Variants in WWOX observed in about 807,000 individuals in gnomAD.
WWOX encodes the protein WW domain containing oxidoreductase, also known as WW domain-containing oxidoreductase.
A neutral mutation model predicts 46.2 loss-of-function variants in WWOX; 69 were observed. The ratio of observed to expected loss-of-function variants is 1.49; its 90% CI spans 1.23 to 1.82. The LOEUF is 1.82. Ranked by LOEUF, WWOX falls within the 40% of genes most tolerant of loss-of-function variation. The probability of loss-of-function intolerance (pLI) is 0.00; values close to 1 mark genes in which losing one functional copy is unlikely to be tolerated. For synonymous variants in WWOX, 359 were observed against 202.6 expected (o/e 1.77, Z -6.56); for missense variants, 919 against 542.6 (o/e 1.69, Z -6.89).
intron 6 of WWOX, among the ~76,000 whole-genome samples, chr16:78,399,904 TA>T (rs2082372388): frequency 6.6e-6 from 1 of 152,190 alleles, no homozygotes; most frequent in African/African-American, 2.4e-5. Context: ...CTTGTCAGCC[TA>T]AAAACTTGAA....
At chr16:79,126,583 C>G (rs983019799) in intron 8 of WWOX, among the ~76,000 whole-genome samples, 4 of 152,070 alleles carry the variant, frequency 2.6e-5, no homozygotes, top group Non-Finnish European at 4.4e-5. Flanking sequence ...TGAGGCCTCC[C>G]CAGTCATGTG....
chr16:78,600,508 A>G (rs761863450), intron 8 of WWOX, among the ~76,000 whole-genome samples: 1 of 152,040 alleles, frequency 6.6e-6, no homozygotes, highest in Non-Finnish European at 1.5e-5. Flanking sequence ...TAAAGCATCC[A>G]TGTTTACAGA....
chr16:79,059,159 A>G (rs749727844), intron 8 of WWOX, among the ~76,000 whole-genome samples: 1 of 152,256 alleles, frequency 6.6e-6, no homozygotes, highest in Non-Finnish European at 1.5e-5. Context: ...TGGGAGAATT[A>G]TGGAACAATA....
chr16:79,211,817 G>GCA lies in WWOX; in HGVS notation c.*29_*30dup. On this transcript the variant is annotated 3_prime_UTR_variant, in exon 9 of 9. Transcript: ENST00000566780. ...GCTAAGTGGAGCTCAGAGCGGATGG[G>GCA]CACACACACCCGCCCTGTGTGTGTC... 2 of 1,613,634 alleles carry GCA rather than the reference G, an allele frequency of 1.2e-6. No homozygotes were observed. Among genetic ancestry groups the GCA allele is most frequent in the Non-Finnish European group, 1.7e-6 (2 of 1,179,932 alleles).
intron 8 of WWOX, among the ~76,000 whole-genome samples, chr16:78,934,922 A>G (rs1479297675): frequency 6.6e-6 from 1 of 152,186 alleles, no homozygotes; most frequent in African/African-American, 2.4e-5. Flanking sequence ...CAACATGGTG[A>G]AACCCCATCT....
At chr16:78,823,148 C>T (rs532980476) in intron 8 of WWOX, among the ~76,000 whole-genome samples, 16 of 152,294 alleles carry the variant, frequency 1.1e-4, no homozygotes, top group East Asian at 3.9e-4. Context: ...ATTAATACTC[C>T]GGCCTTTCAG....
Position 78,735,505 on chromosome 16 carries a change from C to G in WWOX, c.1056+302753C>G, listed in dbSNP as rs371262156. Among the ~76,000 whole-genome samples, 5 of 152,212 alleles carry G rather than the reference C, an allele frequency of 3.3e-5. No homozygotes were observed. The East Asian group carries it at 9.7e-4, about 30-fold the overall frequency. On this transcript the variant is annotated intron_variant, in intron 8 of 8. Transcript: ENST00000566780. ...GTTTTGACGTGCTTGAACTCGAGGA[C>G]TTATGCCGATGTTAACTCTGAGTGT...
chr16:78,847,163 G>A lies in WWOX; in HGVS notation c.1057-364445G>A, dbSNP rs533989599. Among the ~76,000 whole-genome samples, 29 of 152,228 alleles carry A rather than the reference G, an allele frequency of 1.9e-4. 1 individual carries two copies. Among genetic ancestry groups the A allele is most frequent in the South Asian group, 8.3e-4 (4 of 4,826 alleles). ...CTCATTCTCCATGGAGGCTTGGTTC[G>A]TTTTATTATAGAATCATATTTAGAA... On this transcript the variant is annotated intron_variant, in intron 8 of 8. Transcript: ENST00000566780.
intron 5 of WWOX, among the ~76,000 whole-genome samples, chr16:78,314,688 G>GTTTTTTTTTTTT (rs375905643): frequency 4.4e-5 from 4 of 90,486 alleles, no homozygotes; most frequent in South Asian, 4.7e-4. Context: ...CCCTGCAGGG[G>GTTTTTTTTTTTT]TTTTTTTTTT....
intron 8 of WWOX, among the ~76,000 whole-genome samples, chr16:79,020,889 T>C (rs919668041): frequency 6.6e-6 from 1 of 152,172 alleles, no homozygotes; most frequent in African/African-American, 2.4e-5. Context: ...CTGCTGTTTA[T>C]AGATTTTTTT....
At chr16:78,325,644 G>A (rs550432355) in intron 5 of WWOX, among the ~76,000 whole-genome samples, 3 of 152,188 alleles carry the variant, frequency 2.0e-5, no homozygotes, top group Admixed American at 6.5e-5. Flanking sequence ...GGCCTTCTCC[G>A]TTTGGCAGCT....
At chr16:78,249,910 G>C (rs1180123210) in intron 5 of WWOX, among the ~76,000 whole-genome samples, 2 of 152,164 alleles carry the variant, frequency 1.3e-5, no homozygotes, top group Non-Finnish European at 2.9e-5. Context: ...GGGCGAGTGA[G>C]ATAGCAAAGA....
chr16:78,408,064 C>T (rs2082591044), intron 6 of WWOX, among the ~76,000 whole-genome samples: 1 of 152,100 alleles, frequency 6.6e-6, no homozygotes, highest in Admixed American at 6.5e-5. Context: ...CAGGAGGCAG[C>T]CAAATGCCTA....
chr16:78,291,486 C>T (rs750909983), intron 5 of WWOX, among the ~76,000 whole-genome samples: 6 of 152,154 alleles, frequency 3.9e-5, no homozygotes, highest in Admixed American at 1.3e-4. Flanking sequence ...AGCTGGCTGG[C>T]GGCTGCCATT....
rs1006019488 is a variant in WWOX, at chr16:78,374,804, C to A, written c.517-12056C>A. 4.6e-5 allele frequency among the ~76,000 whole-genome samples: 7 copies of A among 152,000 alleles called. No homozygotes were observed. In the South Asian group the frequency reaches 6.2e-4, roughly 14 times the overall value. On this transcript the variant is annotated intron_variant, in intron 5 of 8. Transcript: ENST00000566780. The stretch of plus-strand genomic sequence containing the variant: ...TGACCTTGTGGTCCGTCTGCCTCGG[C>A]CTCCCAAAGTGCTAAGATTACAGGC...
chr16:78,582,601 C>G (rs2045088226), intron 8 of WWOX, among the ~76,000 whole-genome samples: 1 of 152,196 alleles, frequency 6.6e-6, no homozygotes, highest in Non-Finnish European at 1.5e-5. Context: ...CTTTACAAAA[C>G]TGTCATCAGT....
chr16:78,681,820 C>T lies in WWOX; in HGVS notation c.1056+249068C>T, dbSNP rs139676946. Among the ~76,000 whole-genome samples the T allele has an allele frequency of 1.8e-3, 267 of 152,284 alleles. 1 individual carries two copies. The highest frequency in any genetic ancestry group is 6.8e-3 in the Middle Eastern group (2 of 294). ...TGGAAAGTTACTCTCTAAGTCAGGG[C>T]TTCTTTTCTTCAACTTTGGTGTGAG... On this transcript the variant is annotated intron_variant, in intron 8 of 8. Transcript: ENST00000566780.
chr16:78,393,103 G>T (rs1249297087), intron 6 of WWOX, among the ~76,000 whole-genome samples: 2 of 152,170 alleles, frequency 1.3e-5, no homozygotes, highest in African/African-American at 4.8e-5. Flanking sequence ...CATTCCTGGA[G>T]AGGAGCCAGA....
chr16:79,156,646 G>C (rs1465769515), intron 8 of WWOX, among the ~76,000 whole-genome samples: 5 of 151,968 alleles, frequency 3.3e-5, no homozygotes, highest in Non-Finnish European at 7.4e-5. Context: ...TTATCTTCCA[G>C]AAACACTGCT....
Sources: gnomAD v4.1 joint callset for allele counts (sites outside exome capture counted in the v4.1 genomes callset) on GRCh38, gnomAD v4.1.1 for gene constraint, MANE v1.5 for transcripts, NCBI Gene and HGNC (gene_info 2026-07-23, HGNC 2026-07-21) for gene names.